Variants in HHAT observed in about 807,000 individuals in gnomAD.
HHAT encodes protein-cysteine N-palmitoyltransferase HHAT.
HHAT carries 47 observed loss-of-function variants against 70.8 expected under a neutral mutation model. The observed-to-expected ratio is 0.66, with a 90% CI of 0.53 to 0.85. HHAT has a LOEUF of 0.85. Among genes scored for constraint, HHAT ranks in the 40% least tolerant of loss-of-function variants. HHAT has a pLI of 0.00. For missense variants in HHAT, 609 were observed against 604.8 expected, an observed-to-expected ratio of 1.01 and a Z score of -0.07; for synonymous variants, 228 against 247.6, an observed-to-expected ratio of 0.92 and a Z score of 0.74.
At chr1:210,486,247 G>C (rs2094471075) in intron 8 of HHAT, among the ~76,000 whole-genome samples, 1 of 152,054 alleles carries the variant, frequency 6.6e-6, no homozygotes, top group Admixed American at 6.5e-5. Context: ...ATAACATAAG[G>C]ACATAAAAAC....
At chr1:210,608,611 A>AT (rs1176588940) in intron 10 of HHAT, among the ~76,000 whole-genome samples, 3 of 152,062 alleles carry the variant, frequency 2.0e-5, no homozygotes, top group Non-Finnish European at 4.4e-5. Context: ...TATTATTGGA[A>AT]TTTTTTAGAT....
chr1:210,347,702 T>C (rs1466716023), intron 1 of HHAT, among the ~76,000 whole-genome samples: 1 of 152,212 alleles, frequency 6.6e-6, no homozygotes, highest in Non-Finnish European at 1.5e-5. Flanking sequence ...AATGCATTTC[T>C]CTTTCCTGTA....
At chr1:210,529,034 G>T (rs2095283512) in intron 9 of HHAT, among the ~76,000 whole-genome samples, 2 of 152,188 alleles carry the variant, frequency 1.3e-5, no homozygotes, top group Non-Finnish European at 2.9e-5. Flanking sequence ...GCTGGGCGTG[G>T]TGGCTCACGC....
At chr1:210,655,016 G>A (rs61827431) in intron 11 of HHAT, among the ~76,000 whole-genome samples, 7,333 of 152,268 alleles carry the variant, frequency 0.048, 272 homozygotes, top group Non-Finnish European at 0.075. Context: ...CTGGTTCCAC[G>A]TCCCGAACTG....
chr1:210,650,790 T>A (rs1674979018), intron 11 of HHAT, among the ~76,000 whole-genome samples: 1 of 152,180 alleles, frequency 6.6e-6, no homozygotes, highest in African/African-American at 2.4e-5. Flanking sequence ...GTGGGTGATG[T>A]TTGGGAGTGA....
At chr1:210,665,872 T>G (rs1190070419) in intron 11 of HHAT, among the ~76,000 whole-genome samples, 1 of 152,242 alleles carries the variant, frequency 6.6e-6, no homozygotes, top group African/African-American at 2.4e-5. Flanking sequence ...TTTCTGAGCC[T>G]CAGTTTCTGC....
chr1:210,362,977 T>G, intron 3 of HHAT, 58 bp downstream of exon 3: 1 of 1,335,240 alleles, frequency 7.5e-7, no homozygotes, highest in East Asian at 2.3e-5. Flanking sequence ...ATATTTCACA[T>G]CACATTTGTA....
chr1:210,419,938 T>C (rs2092843873), intron 7 of HHAT, among the ~76,000 whole-genome samples: 1 of 152,190 alleles, frequency 6.6e-6, no homozygotes, highest in African/African-American at 2.4e-5. Flanking sequence ...AAAATGGGGC[T>C]TAAACAATAA....
At chr1:210,616,719 T>C (rs113108946) in intron 10 of HHAT, among the ~76,000 whole-genome samples, 15 of 152,378 alleles carry the variant, frequency 9.8e-5, no homozygotes, top group African/African-American at 2.6e-4. Context: ...AGCATGAAGA[T>C]ATTCAATTAG....
At chr1:210,442,418 A>T (rs2093539117) in intron 7 of HHAT, among the ~76,000 whole-genome samples, 1 of 146,278 alleles carries the variant, frequency 6.8e-6, no homozygotes, top group African/African-American at 2.5e-5. Context: ...TCCCTGAGGA[A>T]TCGCCACACT....
intron 8 of HHAT, among the ~76,000 whole-genome samples, chr1:210,485,784 A>G (rs1362016007): frequency 1.3e-5 from 2 of 152,090 alleles, no homozygotes. Context: ...GTATGGGGGA[A>G]ACTGCCCTCA....
Position 210,658,748 on chromosome 1 carries a change from C to T in HHAT, c.1391-15540C>T, listed in dbSNP as rs376953635. 7.2e-5 allele frequency among the ~76,000 whole-genome samples: 11 copies of T among 152,316 alleles called. No individual in the cohort carries two copies. In the East Asian group the frequency reaches 2.1e-3, roughly 29 times the overall value. ...TCACAACGAACTGTCTCTCAGACCA[C>T]AGTGCAATCAAATTAGAACTCAGGA... is the stretch of plus-strand genomic sequence containing the variant. On this transcript the variant is annotated intron_variant, in intron 11 of 11. Coordinates refer to ENST00000261458, the MANE Select transcript of HHAT (RefSeq NM_018194.6).
At chr1:210,367,103 A>C (rs1223969766) in intron 3 of HHAT, among the ~76,000 whole-genome samples, 4 of 152,246 alleles carry the variant, frequency 2.6e-5, no homozygotes, top group Admixed American at 6.5e-5. Context: ...CAATGGCCAC[A>C]GATTGAGCTA....
intron 1 of HHAT, among the ~76,000 whole-genome samples, chr1:210,334,700 T>A (rs906017546): frequency 4.0e-5 from 6 of 151,724 alleles, no homozygotes; most frequent in East Asian, 1.9e-4. Flanking sequence ...TTTTTATTTT[T>A]TTTTTTGCGA....
At chr1:210,564,301 T>A (rs899989647) in intron 9 of HHAT, among the ~76,000 whole-genome samples, 2 of 152,078 alleles carry the variant, frequency 1.3e-5, no homozygotes, top group Non-Finnish European at 2.9e-5. Flanking sequence ...TCTCCTAGTG[T>A]GAGCACGTAG....
At chr1:210,560,209 G>T (rs1276489825) in intron 9 of HHAT, among the ~76,000 whole-genome samples, 2 of 152,202 alleles carry the variant, frequency 1.3e-5, no homozygotes, top group Non-Finnish European at 2.9e-5. Flanking sequence ...AGTTCCTAAA[G>T]ATGGTCCTTT....
chr1:210,633,058 CAG>C (rs1366045475), intron 11 of HHAT, among the ~76,000 whole-genome samples: 1 of 152,194 alleles, frequency 6.6e-6, no homozygotes, highest in African/African-American at 2.4e-5. Flanking sequence ...CCGTAACAAA[CAG>C]ACACTAAATT....
Position 210,646,258 on chromosome 1 carries a change from C to T in HHAT, c.1390+22588C>T, listed in dbSNP as rs543804068. ...ACTTCTAAGCAGCTGGACTTTAAGG[C>T]CTATTTTTAAAAACTCCTGAGAATA... is the stretch of plus-strand genomic sequence containing the variant. On this transcript the variant is annotated intron_variant, in intron 11 of 11. Transcript: ENST00000261458. Among the ~76,000 whole-genome samples the T allele has an allele frequency of 2.6e-5, 4 of 152,242 alleles. No individual in the cohort carries two copies. The East Asian group carries it at 7.7e-4, about 29-fold the overall frequency.
At chr1:210,654,979 G>A (rs770712688) in intron 11 of HHAT, among the ~76,000 whole-genome samples, 8 of 152,196 alleles carry the variant, frequency 5.3e-5, no homozygotes, top group Non-Finnish European at 7.3e-5. Context: ...CACTTTAGAG[G>A]AATCAGAGAA....
Sources: gnomAD v4.1 joint callset for allele counts (sites outside exome capture counted in the v4.1 genomes callset) on GRCh38, gnomAD v4.1.1 for gene constraint, MANE v1.5 for transcripts, NCBI Gene and HGNC (gene_info 2026-07-23, HGNC 2026-07-21) for gene names.